The following NAALADL2 variants were observed in gnomAD, a reference collection of about 807,000 sequenced individuals.
The protein encoded by NAALADL2 is N-acetylated alpha-linked acidic dipeptidase like 2.
A neutral mutation model predicts 87.2 loss-of-function variants in NAALADL2; 76 were observed. The ratio of observed to expected loss-of-function variants is 0.87; its 90% CI spans 0.72 to 1.05. The LOEUF is 1.05. NAALADL2 is among the 50% of genes least tolerant of loss of function. The probability of loss-of-function intolerance (pLI) is 0.00; values close to 1 mark genes in which losing one functional copy is unlikely to be tolerated. For synonymous variants in NAALADL2, 354 were observed against 331.0 expected (o/e 1.07, Z -0.75); for missense variants, 1,089 against 945.8 (o/e 1.15, Z -1.99).
chr3:174,922,374 G>A, intron 1 of NAALADL2, among the ~76,000 whole-genome samples: 1 of 149,798 alleles, frequency 6.7e-6, no homozygotes, highest in East Asian at 2.0e-4. Flanking sequence ...ACTAATTTTA[G>A]ACTTGCTTAA....
chr3:175,492,234 C>T (rs1560643684), intron 9 of NAALADL2, among the ~76,000 whole-genome samples: 1 of 152,266 alleles, frequency 6.6e-6, no homozygotes, highest in East Asian at 1.9e-4. Flanking sequence ...CCTTCCACAA[C>T]TCCTTTTAGT....
intron 3 of NAALADL2, among the ~76,000 whole-genome samples, chr3:174,844,925 T>A (rs1347235768): frequency 1.4e-5 from 2 of 141,430 alleles, no homozygotes; most frequent in South Asian, 4.7e-4. Context: ...TCCCTTAGGC[T>A]GATTGTCAGG....
intron 9 of NAALADL2, among the ~76,000 whole-genome samples, chr3:175,493,206 A>C (rs1215747426): frequency 6.6e-6 from 1 of 151,940 alleles, no homozygotes; most frequent in Non-Finnish European, 1.5e-5. Flanking sequence ...ACTTTCCTCT[A>C]TTTTCTGAAT....
chr3:174,750,217 T>C (rs1734686521), intron 3 of NAALADL2, among the ~76,000 whole-genome samples: 1 of 152,176 alleles, frequency 6.6e-6, no homozygotes, highest in Non-Finnish European at 1.5e-5. Flanking sequence ...GAATGGGCAC[T>C]ATATAGCAGT....
At chr3:175,556,548 G>T (rs1315842043) in intron 9 of NAALADL2, among the ~76,000 whole-genome samples, 1 of 152,114 alleles carries the variant, frequency 6.6e-6, no homozygotes, top group African/African-American at 2.4e-5. Context: ...GATGGGAGTT[G>T]CACTCCAGGT....
At chr3:175,754,574 A>G (rs547088304) in intron 12 of NAALADL2, among the ~76,000 whole-genome samples, 1 of 152,324 alleles carries the variant, frequency 6.6e-6, no homozygotes, top group African/African-American at 2.4e-5. Flanking sequence ...CTAGTAAAGA[A>G]AAAAAGAACC....
intron 1 of NAALADL2, among the ~76,000 whole-genome samples, chr3:174,970,452 A>T (rs1018270187): frequency 6.6e-6 from 1 of 152,186 alleles, no homozygotes; most frequent in East Asian, 1.9e-4. Context: ...TTAGGTTGTT[A>T]ATCTGGTCCA....
At chr3:174,468,215 A>G (rs999568927) in intron 1 of NAALADL2, among the ~76,000 whole-genome samples, 30 of 152,248 alleles carry the variant, frequency 2.0e-4, no homozygotes, top group Admixed American at 6.5e-5. Context: ...GTAACTGGAT[A>G]TTACTAGCCT....
At chr3:174,984,295 C>A (rs1218588542) in intron 1 of NAALADL2, among the ~76,000 whole-genome samples, 4 of 152,042 alleles carry the variant, frequency 2.6e-5, no homozygotes, top group African/African-American at 9.7e-5. Context: ...TTTTTTTGCT[C>A]AGGGATCAGA....
chr3:174,722,582 A>G (rs1189812676), intron 2 of NAALADL2, among the ~76,000 whole-genome samples: 2 of 152,080 alleles, frequency 1.3e-5, no homozygotes, highest in African/African-American at 2.4e-5. Flanking sequence ...GGTGCCTGTA[A>G]TCCCAGCTAC....
chr3:175,575,357 T>C (rs1718708976), intron 9 of NAALADL2, among the ~76,000 whole-genome samples: 1 of 152,182 alleles, frequency 6.6e-6, no homozygotes. Context: ...CACTCTCGGC[T>C]CACTGCAACC....
At chr3:175,500,966 G>C (rs1729466615) in intron 9 of NAALADL2, among the ~76,000 whole-genome samples, 1 of 152,146 alleles carries the variant, frequency 6.6e-6, no homozygotes. Context: ...TAGAATGATA[G>C]TTCTGGGAAT....
At chr3:174,852,223 A>C (rs1725332264) in intron 3 of NAALADL2, among the ~76,000 whole-genome samples, 1 of 152,128 alleles carries the variant, frequency 6.6e-6, no homozygotes, top group African/African-American at 2.4e-5. Context: ...CCTTGCCAGA[A>C]CAATTAGACA....
Position 175,127,917 on chromosome 3 carries a change from C to T in NAALADL2, c.545+30626C>T, listed in dbSNP as rs948862824. On this transcript the variant is annotated intron_variant, in intron 2 of 13. Transcript: ENST00000454872. ...TATAAAAATGATGGAAGTAAAAACA[C>T]AAAATATTAATAATAGATGTGATAT... Among the ~76,000 whole-genome samples, 7 of 152,012 alleles carry T rather than the reference C, an allele frequency of 4.6e-5. 1 individual carries two copies. Among genetic ancestry groups the T allele is most frequent in the Non-Finnish European group, 7.4e-5 (5 of 67,982 alleles).
At chr3:174,876,928 G>T (rs1344320420) in intron 1 of NAALADL2, among the ~76,000 whole-genome samples, 1 of 152,118 alleles carries the variant, frequency 6.6e-6, no homozygotes, top group African/African-American at 2.4e-5. Flanking sequence ...TGTAGATTTG[G>T]TGAGGGCTCT....
intron 2 of NAALADL2, among the ~76,000 whole-genome samples, chr3:174,677,033 C>A (rs1278506727): frequency 2.6e-5 from 4 of 151,742 alleles, no homozygotes; most frequent in Non-Finnish European, 1.5e-5. Flanking sequence ...ATTCTTTTTT[C>A]TCATATTTTA....
At chr3:175,402,850 A>G (rs970677870) in intron 5 of NAALADL2, among the ~76,000 whole-genome samples, 1 of 152,088 alleles carries the variant, frequency 6.6e-6, no homozygotes, top group Non-Finnish European at 1.5e-5. Context: ...ACTTAGCACT[A>G]TGCTGTAAAT....
chr3:175,422,702 C>T (rs891324975), intron 5 of NAALADL2, among the ~76,000 whole-genome samples: 1 of 151,958 alleles, frequency 6.6e-6, no homozygotes, highest in Non-Finnish European at 1.5e-5. Flanking sequence ...TAAAGCTGAG[C>T]AGATACAACA....
intron 5 of NAALADL2, among the ~76,000 whole-genome samples, chr3:175,364,429 T>C (rs1294859757): frequency 1.4e-5 from 2 of 147,792 alleles, no homozygotes; most frequent in Non-Finnish European, 3.0e-5. Flanking sequence ...TTCTGAGGAA[T>C]TGATTTGAAG....
Sources: gnomAD v4.1 joint callset for allele counts (sites outside exome capture counted in the v4.1 genomes callset) on GRCh38, gnomAD v4.1.1 for gene constraint, MANE v1.5 for transcripts, NCBI Gene and HGNC (gene_info 2026-07-23, HGNC 2026-07-21) for gene names.